Variants in ITFG1 observed in about 807,000 individuals in gnomAD.
ITFG1 encodes integrin alpha FG-GAP repeat containing 1, also known as T-cell immunomodulatory protein.
In ITFG1, 34 loss-of-function variants were observed where a neutral mutation model predicts 81.8. The observed-to-expected ratio is 0.42, with a 90% CI of 0.32 to 0.55. ITFG1 has a LOEUF of 0.55. Among genes scored for constraint, ITFG1 ranks in the 20% least tolerant of loss-of-function variants. The probability of loss-of-function intolerance (pLI) is 0.17; values close to 1 mark genes in which losing one functional copy is unlikely to be tolerated. For synonymous variants in ITFG1, 285 were observed against 270.6 expected (o/e 1.05, Z -0.52); for missense variants, 672 against 755.4 (o/e 0.89, Z 1.29).
chr16:47,286,169 T>C (rs1449921151), intron 10 of ITFG1, among the ~76,000 whole-genome samples: 1 of 152,164 alleles, frequency 6.6e-6, no homozygotes, highest in African/African-American at 2.4e-5. Flanking sequence ...GAATTTAGAC[T>C]GTGATGCAGT....
chr16:47,324,790 T>C (rs1967506346), intron 8 of ITFG1, among the ~76,000 whole-genome samples: 1 of 152,202 alleles, frequency 6.6e-6, no homozygotes, highest in African/African-American at 2.4e-5. Flanking sequence ...CTAACTATCC[T>C]AAATATATAT....
intron 7 of ITFG1, among the ~76,000 whole-genome samples, chr16:47,373,185 T>C (rs981391817): frequency 2.0e-5 from 3 of 152,224 alleles, no homozygotes; most frequent in Admixed American, 1.3e-4. Context: ...ATGTGTCTTG[T>C]GTCTCCTGTG....
At chr16:47,420,861 A>G (rs1968936989) in intron 6 of ITFG1, among the ~76,000 whole-genome samples, 1 of 152,188 alleles carries the variant, frequency 6.6e-6, no homozygotes, top group Non-Finnish European at 1.5e-5. Flanking sequence ...ACTCCTTTAT[A>G]GCAACACAAA....
At chr16:47,226,271 G>A (rs1413102343) in intron 13 of ITFG1, among the ~76,000 whole-genome samples, 1 of 152,224 alleles carries the variant, frequency 6.6e-6, no homozygotes, top group African/African-American at 2.4e-5. Context: ...GTGCAGCGGT[G>A]CAATCTGGGC....
intron 5 of ITFG1, among the ~76,000 whole-genome samples, chr16:47,445,861 C>T (rs1969318238): frequency 6.6e-6 from 1 of 152,170 alleles, no homozygotes; most frequent in African/African-American, 2.4e-5. Flanking sequence ...CAAAGGCCCC[C>T]TGTGACTTGT....
At position 47,229,317 on chromosome 16, in the gene ITFG1, G is replaced by A. The variant is rs542329145; in HGVS notation, c.1374+8648C>T. ...CCTGAAGGTCACACAGAGCAAACTA[G>A]GAGAAGGTGAAGAAGAGAAGGCTTT... On this transcript the variant is annotated intron_variant, in intron 13 of 17. Transcript: ENST00000320640. 2.6e-5 allele frequency among the ~76,000 whole-genome samples: 4 copies of A among 152,302 alleles called. No homozygotes were observed. In the South Asian group the frequency reaches 8.3e-4, roughly 32 times the overall value.
At chr16:47,454,831 T>C (rs1969432323) in intron 2 of ITFG1, among the ~76,000 whole-genome samples, 18 of 152,180 alleles carry the variant, frequency 1.2e-4, no homozygotes. Context: ...TGCAGTCTTA[T>C]TATCTGAGCG....
chr16:47,375,205 C>T (rs1567478753), intron 7 of ITFG1, among the ~76,000 whole-genome samples: 1 of 152,062 alleles, frequency 6.6e-6, no homozygotes, highest in Non-Finnish European at 1.5e-5. Flanking sequence ...AAGTGGGGTT[C>T]GATACTTGGC....
intron 6 of ITFG1, among the ~76,000 whole-genome samples, chr16:47,418,876 A>G (rs967556412): frequency 4.6e-5 from 7 of 152,128 alleles, no homozygotes; most frequent in African/African-American, 1.7e-4. Context: ...ACTACTCAGT[A>G]TATTTTGTTG....
At chr16:47,438,018 G>A (rs777959447) in intron 5 of ITFG1, among the ~76,000 whole-genome samples, 6 of 152,198 alleles carry the variant, frequency 3.9e-5, no homozygotes, top group East Asian at 1.9e-4. Context: ...TTAACAAACC[G>A]CACACCAGGA....
At chr16:47,440,690 T>C (rs1020016928) in intron 5 of ITFG1, among the ~76,000 whole-genome samples, 1 of 151,332 alleles carries the variant, frequency 6.6e-6, no homozygotes, top group African/African-American at 2.4e-5. Context: ...CAAAGCCGTG[T>C]GTAGAGGGAA....
At chr16:47,409,941 C>T (rs1201451299) in intron 6 of ITFG1, among the ~76,000 whole-genome samples, 1 of 151,902 alleles carries the variant, frequency 6.6e-6, no homozygotes, top group Non-Finnish European at 1.5e-5. Flanking sequence ...TTCCTTAAGA[C>T]ACAAAGAACT....
chr16:47,303,554 C>T (rs376992382), intron 10 of ITFG1, among the ~76,000 whole-genome samples: 3 of 152,156 alleles, frequency 2.0e-5, no homozygotes, highest in Non-Finnish European at 4.4e-5. Flanking sequence ...AAGTTACTTC[C>T]GGAAATCTAC....
intron 14 of ITFG1, among the ~76,000 whole-genome samples, chr16:47,212,202 A>C (rs994828397): frequency 6.6e-6 from 1 of 151,966 alleles, no homozygotes; most frequent in Non-Finnish European, 1.5e-5. Flanking sequence ...GATTGTACAG[A>C]ATTTGAAGTT....
intron 10 of ITFG1, among the ~76,000 whole-genome samples, chr16:47,304,339 A>C (rs1279538923): frequency 6.6e-6 from 1 of 152,204 alleles, no homozygotes; most frequent in African/African-American, 2.4e-5. Context: ...AACCACCTTC[A>C]TTTTATAAAT....
chr16:47,335,887 T>C (rs576085766), intron 8 of ITFG1, among the ~76,000 whole-genome samples: 1 of 151,948 alleles, frequency 6.6e-6, no homozygotes, highest in East Asian at 1.9e-4. Context: ...GGAAACCATG[T>C]ATCTACACAC....
chr16:47,159,038 A>G, intron 16 of ITFG1, 48 bp from the exon 17 acceptor site: 1 of 1,066,946 alleles, frequency 9.4e-7, no homozygotes, highest in Non-Finnish European at 1.3e-6. Context: ...TTATTTAAAA[A>G]TAACAAAGTT....
intron 10 of ITFG1, among the ~76,000 whole-genome samples, chr16:47,278,963 C>G (rs1966425273): frequency 6.6e-6 from 1 of 152,058 alleles, no homozygotes; most frequent in Admixed American, 6.5e-5. Context: ...AATTAGGAAC[C>G]AAGTTACATT....
At chr16:47,287,752 T>C (rs1966875709) in intron 10 of ITFG1, among the ~76,000 whole-genome samples, 1 of 152,168 alleles carries the variant, frequency 6.6e-6, no homozygotes, top group East Asian at 1.9e-4. Context: ...TGGTATCTAA[T>C]TGTGGTTTTG....
Sources: allele counts gnomAD v4.1 joint callset (sites outside exome capture counted in the v4.1 genomes callset), GRCh38; gene constraint gnomAD v4.1.1; transcripts MANE v1.5; gene names NCBI Gene and HGNC (gene_info 2026-07-23, HGNC 2026-07-21).